CHSY3: variants seen among roughly 807,000 people sequenced by gnomAD.
CHSY3 encodes chondroitin sulfate synthase 3.
In CHSY3, 35 loss-of-function variants were observed where a neutral mutation model predicts 67.2. The observed-to-expected ratio is 0.52, with a 90% CI of 0.40 to 0.69. The LOEUF (loss-of-function observed/expected upper bound fraction) is 0.69, where lower values mean the gene tolerates loss of function less well. Among genes scored for constraint, CHSY3 ranks in the 30% least tolerant of loss-of-function variants. CHSY3 has a pLI of 0.00. For synonymous variants in CHSY3, 474 were observed against 434.7 expected, an observed-to-expected ratio of 1.09 and a Z score of -1.12; for missense variants, 1,069 against 1,138.5, an observed-to-expected ratio of 0.94 and a Z score of 0.88.
chr5:130,081,200 G>A (rs2149686664), intron 2 of CHSY3, among the ~76,000 whole-genome samples: 1 of 152,174 alleles, frequency 6.6e-6, no homozygotes, highest in African/African-American at 2.4e-5. Context: ...GGATTCCAGA[G>A]GTCACTGTTT....
chr5:130,136,240 G>C (rs1768657114), intron 2 of CHSY3, among the ~76,000 whole-genome samples: 1 of 152,190 alleles, frequency 6.6e-6, no homozygotes, highest in African/African-American at 2.4e-5. Context: ...GTGGTTGCCA[G>C]AGGTAGAGAA....
chr5:130,050,527 A>G (rs192528278), intron 2 of CHSY3, among the ~76,000 whole-genome samples: 4 of 152,254 alleles, frequency 2.6e-5, no homozygotes, highest in Non-Finnish European at 5.9e-5. Flanking sequence ...CTAATATTGT[A>G]CAACAATAGC....
intron 2 of CHSY3, among the ~76,000 whole-genome samples, chr5:130,020,149 G>T (rs918717321): frequency 3.3e-5 from 5 of 151,998 alleles, no homozygotes; most frequent in African/African-American, 1.2e-4. Flanking sequence ...CAGGTGCAGT[G>T]GCTCACGCCG....
chr5:130,107,730 G>A (rs780875681), intron 2 of CHSY3, among the ~76,000 whole-genome samples: 2 of 151,526 alleles, frequency 1.3e-5, no homozygotes, highest in Non-Finnish European at 3.0e-5. Context: ...AAACTTAGTG[G>A]TATTTGATCA....
intron 2 of CHSY3, among the ~76,000 whole-genome samples, chr5:129,920,064 T>G (rs1760869197): frequency 2.6e-5 from 4 of 152,164 alleles, no homozygotes; most frequent in African/African-American, 9.7e-5. Context: ...ACTTTTTCTA[T>G]CTAATTGAGG....
intron 2 of CHSY3, among the ~76,000 whole-genome samples, chr5:129,985,991 C>T (rs1763189550): frequency 6.6e-6 from 1 of 152,150 alleles, no homozygotes; most frequent in Non-Finnish European, 1.5e-5. Context: ...GATGGTTTGA[C>T]TTCCCCTCTT....
chr5:130,148,129 T>C (rs1394877386), intron 2 of CHSY3, among the ~76,000 whole-genome samples: 2 of 152,176 alleles, frequency 1.3e-5, no homozygotes, highest in East Asian at 1.9e-4. Flanking sequence ...TTGCTCCCAC[T>C]TATAAGTGAG....
At chr5:130,135,272 A>G (rs186861854) in intron 2 of CHSY3, among the ~76,000 whole-genome samples, 1,503 of 150,296 alleles carry the variant, frequency 0.01, 28 homozygotes, top group African/African-American at 0.034. Context: ...AAGTGTGTGT[A>G]TATATATATA....
chr5:130,059,582 T>C (rs1203977031), intron 2 of CHSY3, among the ~76,000 whole-genome samples: 1 of 152,124 alleles, frequency 6.6e-6, no homozygotes, highest in Non-Finnish European at 1.5e-5. Context: ...TGGTTACATC[T>C]GCAAAAACTC....
At chr5:130,071,953 G>T (rs997586976) in intron 2 of CHSY3, among the ~76,000 whole-genome samples, 1 of 151,984 alleles carries the variant, frequency 6.6e-6, no homozygotes, top group Non-Finnish European at 1.5e-5. Context: ...AATTAGAAAT[G>T]TTGAGCATTG....
At chr5:130,079,748 C>T (rs746804380) in intron 2 of CHSY3, among the ~76,000 whole-genome samples, 1 of 151,994 alleles carries the variant, frequency 6.6e-6, no homozygotes, top group African/African-American at 2.4e-5. Context: ...GATGAAGAAA[C>T]CAGATACTTG....
intron 2 of CHSY3, among the ~76,000 whole-genome samples, chr5:130,089,248 G>A (rs1489834980): frequency 6.8e-6 from 1 of 147,664 alleles, no homozygotes; most frequent in Non-Finnish European, 1.5e-5. Context: ...GGGAGGGATA[G>A]CATTAGGAGA....
At chr5:130,019,874 G>A (rs1374541469) in intron 2 of CHSY3, among the ~76,000 whole-genome samples, 5 of 152,178 alleles carry the variant, frequency 3.3e-5, no homozygotes, top group African/African-American at 1.2e-4. Context: ...CAGTAAATTA[G>A]AGCTTGTAGA....
intron 2 of CHSY3, among the ~76,000 whole-genome samples, chr5:129,966,219 T>C (rs1477731826): frequency 6.6e-6 from 1 of 151,946 alleles, no homozygotes; most frequent in East Asian, 1.9e-4. Context: ...TTCTGTTTAA[T>C]CTGTTGATCC....
chr5:130,009,493 T>C (rs541411460), intron 2 of CHSY3, among the ~76,000 whole-genome samples: 8 of 150,054 alleles, frequency 5.3e-5, no homozygotes, highest in African/African-American at 2.0e-4. Context: ...CAAAAGACAT[T>C]ACTGGCCACC....
chr5:129,967,707 G>A (rs1234119790), intron 2 of CHSY3, among the ~76,000 whole-genome samples: 1 of 151,798 alleles, frequency 6.6e-6, no homozygotes, highest in Non-Finnish European at 1.5e-5. Flanking sequence ...AGAAGACGGT[G>A]AGTGAATAGA....
At chr5:130,114,866 A>G (rs7730782) in intron 2 of CHSY3, among the ~76,000 whole-genome samples, 90,914 of 151,816 alleles carry the variant, frequency 0.6, 28,430 homozygotes, top group African/African-American at 0.78. Context: ...TTCTGTTCCT[A>G]TCTGTTGCCT....
chr5:130,074,155 C>T (rs903413757), intron 2 of CHSY3, among the ~76,000 whole-genome samples: 2 of 152,152 alleles, frequency 1.3e-5, no homozygotes, highest in Non-Finnish European at 2.9e-5. Context: ...ACTACAACCT[C>T]CTCCTTCCAG....
intron 2 of CHSY3, among the ~76,000 whole-genome samples, chr5:130,010,378 G>A (rs760423343): frequency 3.3e-5 from 5 of 152,084 alleles, no homozygotes; most frequent in Non-Finnish European, 5.9e-5. Context: ...TGTTCCTGAA[G>A]GACTTTTGGC....
Sources: gnomAD v4.1 joint callset for allele counts (sites outside exome capture counted in the v4.1 genomes callset) on GRCh38, gnomAD v4.1.1 for gene constraint, MANE v1.5 for transcripts, NCBI Gene and HGNC (gene_info 2026-07-23, HGNC 2026-07-21) for gene names.